The following AKAP9 variants were observed in gnomAD, a reference collection of about 807,000 sequenced individuals.
The protein encoded by AKAP9 is A-kinase anchor protein 9.
AKAP9 carries 311 observed loss-of-function variants against 488.5 expected under a neutral mutation model. The observed-to-expected ratio is 0.64, with a 90% CI of 0.58 to 0.70. The LOEUF (loss-of-function observed/expected upper bound fraction) is 0.70. AKAP9 is among the 30% of genes least tolerant of loss of function. The pLI, the probability that AKAP9 is intolerant of heterozygous loss-of-function variation, is 0.00. For synonymous variants in AKAP9, 1,462 were observed against 1,483.5 expected, an observed-to-expected ratio of 0.99 and a Z score of 0.33; for missense variants, 4,215 against 4,374.5, an observed-to-expected ratio of 0.96 and a Z score of 1.03.
chr7:92,069,980 AGCTT>A (rs1225013150), intron 26 of AKAP9, 46 bp from the exon 27 acceptor site: 1 of 1,542,160 alleles, frequency 6.5e-7, no homozygotes, highest in East Asian at 2.2e-5. Flanking sequence ...TATACTAACT[AGCTT>A]GCTGAAATTT....
intron 18 of AKAP9, 97 bp downstream of exon 18, chr7:92,040,995 G>A: frequency 9.7e-7 from 1 of 1,027,038 alleles, no homozygotes; most frequent in Non-Finnish European, 1.4e-6. Context: ...TATTTTTTAT[G>A]TAGCCATAAT....
intron 21 of AKAP9, among the ~76,000 whole-genome samples, chr7:92,049,662 G>A (rs1807589821): frequency 1.3e-5 from 2 of 151,886 alleles, no homozygotes; most frequent in Admixed American, 1.3e-4. Context: ...TAAGCTTGAT[G>A]TCTTTCTCAT....
At chr7:92,003,514 A>G (rs996183183) in intron 8 of AKAP9, among the ~76,000 whole-genome samples, 3 of 152,088 alleles carry the variant, frequency 2.0e-5, no homozygotes, top group African/African-American at 7.2e-5. Context: ...AAGAGTTTGT[A>G]TAACTTTATG....
At chr7:92,017,487 C>G (rs1270101637) in intron 12 of AKAP9, among the ~76,000 whole-genome samples, 1 of 152,026 alleles carries the variant, frequency 6.6e-6, no homozygotes, top group Non-Finnish European at 1.5e-5. Flanking sequence ...TTATACATGT[C>G]AATTTTATTT....
chr7:92,018,286 G>A (rs1396649529), intron 12 of AKAP9, among the ~76,000 whole-genome samples: 1 of 152,002 alleles, frequency 6.6e-6, no homozygotes, highest in Non-Finnish European at 1.5e-5. Context: ...TTGAGAAGCT[G>A]AGGTGGGAGG....
In AKAP9 at chr7:92,083,168, A is replaced by T; in HGVS notation, c.8161-2A>T. ...CCTACTGTTCTATTCATTACGTTTT[A>T]GGTAAAAGAAACAAATATGACATCT... On this transcript the variant is annotated splice_acceptor_variant, in intron 32 of 49. Transcript: ENST00000356239. LOFTEE classifies it high-confidence loss of function. The T allele has an allele frequency of 6.2e-7, 1 of 1,613,720 alleles. No individual in the cohort carries two copies. Among genetic ancestry groups the T allele is most frequent in the East Asian group, 2.2e-5 (1 of 44,856 alleles).
chr7:92,085,735 C>CAAT lies in AKAP9; in HGVS notation c.9024+57_9024+59dup, dbSNP rs1194083280. The stretch of plus-strand genomic sequence containing the variant: ...TAAATCATTTTATGTATTATTTGAA[C>CAAT]AATAATAATACATTATAAATTAAAT... On this transcript the variant is annotated intron_variant, in intron 36 of 49. Transcript: ENST00000356239. 6.3e-6 allele frequency: 8 copies of CAAT among 1,267,358 alleles called. No individual in the cohort carries two copies. In the African/African-American group the frequency reaches 1.0e-4, roughly 17 times the overall value. 78.5% of individuals were successfully genotyped at this position (1,267,358 alleles called of 1,614,324 possible). A position where few individuals can be genotyped will look rare whatever the true frequency, so the allele number is the denominator to read the frequency against.
chr7:92,062,874 G>A (rs1334186184), intron 24 of AKAP9, among the ~76,000 whole-genome samples: 1 of 152,152 alleles, frequency 6.6e-6, no homozygotes, highest in Non-Finnish European at 1.5e-5. Context: ...CACTAGTAAT[G>A]AGCAGGTGGA....
intron 2 of AKAP9, among the ~76,000 whole-genome samples, chr7:91,976,970 C>A (rs1483872784): frequency 6.6e-6 from 1 of 152,016 alleles, no homozygotes; most frequent in African/African-American, 2.4e-5. Flanking sequence ...GAGTCAGAAT[C>A]TTTGTTGGCC....
intron 5 of AKAP9, among the ~76,000 whole-genome samples, chr7:91,993,267 C>T (rs1798001811): frequency 6.6e-6 from 1 of 151,416 alleles, no homozygotes; most frequent in Admixed American, 6.6e-5. Context: ...CGGCCCACTG[C>T]ATCCTCTGCT....
chr7:91,995,968 A>G, intron 7 of AKAP9, 168 bp downstream of exon 7: 1 of 626,954 alleles, frequency 1.6e-6, no homozygotes, highest in Non-Finnish European at 2.8e-6. Context: ...TGTAGTTTTT[A>G]AGATAATAGT....
intron 24 of AKAP9, chr7:92,063,418 T>C (rs1312148976): frequency 2.0e-5 from 19 of 956,698 alleles, no homozygotes; most frequent in African/African-American, 7.4e-5. Context: ...ATATAAATTA[T>C]ACTTTTGTTG....
intron 8 of AKAP9, among the ~76,000 whole-genome samples, chr7:92,011,606 C>T (rs1800752463): frequency 6.6e-6 from 1 of 152,128 alleles, no homozygotes; most frequent in South Asian, 2.1e-4. Context: ...GCAAGATTTA[C>T]TACAAAATCA....
chr7:92,105,489 G>A (rs574256003), intron 46 of AKAP9, among the ~76,000 whole-genome samples, 189 bp from the exon 47 acceptor site: 1 of 152,198 alleles, frequency 6.6e-6, no homozygotes, highest in South Asian at 2.1e-4. Context: ...GGGATGAGGG[G>A]ATTTTGAGTC....
At chr7:92,039,045 C>G (rs1272514044) in intron 17 of AKAP9, among the ~76,000 whole-genome samples, 1 of 152,040 alleles carries the variant, frequency 6.6e-6, no homozygotes, top group African/African-American at 2.4e-5. Context: ...AACTGGGACT[C>G]CATGCGCGTG....
chr7:92,052,657 T>A (rs991253229), intron 21 of AKAP9, 69 bp from the exon 22 acceptor site: 1 of 1,117,878 alleles, frequency 8.9e-7, no homozygotes, highest in African/African-American at 1.6e-5. Context: ...TAGTTTGATG[T>A]TGTTTTATAA....
intron 38 of AKAP9, chr7:92,092,858 G>C: frequency 2.3e-6 from 1 of 430,814 alleles, no homozygotes; most frequent in Non-Finnish European, 4.3e-6. Context: ...TGTTGCCCAG[G>C]CTGGTCTTGA....
At chr7:92,033,735 G>A (rs1038506392) in intron 16 of AKAP9, among the ~76,000 whole-genome samples, 44 of 152,120 alleles carry the variant, frequency 2.9e-4, no homozygotes, top group African/African-American at 9.9e-4. Flanking sequence ...ACCATGCCTG[G>A]CTGAGAATCA....
At position 92,102,757 on chromosome 7, in the gene AKAP9, T is replaced by C. The variant is rs1245271204; in HGVS notation, c.11261T>C (p.Val3754Ala). 1.9e-6 allele frequency: 3 copies of C among 1,614,002 alleles called. No homozygotes were observed. The highest frequency in any genetic ancestry group is 1.3e-5 in the African/African-American group (1 of 74,888). ...GGQPAFTDLEVITNRPKGFTR... is the reference protein window; with the variant it reads ...GGQPAFTDLEAITNRPKGFTR... ...CAGCCAGCTTTCACGGATCTAGAGG[T>C]GATCACCAATCGCCCAAAGGGCTTC... is the stretch of plus-strand genomic sequence containing the variant. Residue 3754 changes from valine (V) to alanine (A), a missense_variant, in exon 46 of 50, where the codon GTG (valine) becomes GCG (alanine). Val to Ala is a moderately conservative substitution (Grantham distance 64, BLOSUM62 0). This residue lies in a region of AKAP9 where 253 missense variants were observed against 266.8 expected (regional missense o/e 0.95). Coordinates refer to ENST00000356239, the MANE Select transcript of AKAP9 (RefSeq NM_005751.5).
Sources: allele counts gnomAD v4.1 joint callset (sites outside exome capture counted in the v4.1 genomes callset), GRCh38; gene constraint gnomAD v4.1.1; regional missense constraint gnomAD v4.1.1; transcripts MANE v1.5; gene names NCBI Gene and HGNC (gene_info 2026-07-23, HGNC 2026-07-21).